The following ITGA8 variants were observed in gnomAD, a reference collection of about 807,000 sequenced individuals.
ITGA8 encodes the protein integrin alpha-8.
In ITGA8, 91 loss-of-function variants were observed where a neutral mutation model predicts 142.3. The ratio of observed to expected loss-of-function variants is 0.64; its 90% confidence interval spans 0.54 to 0.76. The LOEUF is 0.76. Among genes scored for constraint, ITGA8 ranks in the 30% least tolerant of loss-of-function variants. The pLI, the probability that ITGA8 is intolerant of heterozygous loss-of-function variation, is 0.00. For synonymous variants in ITGA8, 505 were observed against 485.2 expected, an observed-to-expected ratio of 1.04 and a Z score of -0.54; for missense variants, 1,406 against 1,327.7, an observed-to-expected ratio of 1.06 and a Z score of -0.92.
chr10:15,642,781 T>A (rs1351522337), intron 13 of ITGA8, among the ~76,000 whole-genome samples: 2 of 152,196 alleles, frequency 1.3e-5, no homozygotes, highest in African/African-American at 4.8e-5. Flanking sequence ...TATGTTGCGG[T>A]ATCCTTTTTG....
chr10:15,609,230 C>A (rs1049349213), intron 15 of ITGA8, among the ~76,000 whole-genome samples: 1 of 152,118 alleles, frequency 6.6e-6, no homozygotes, highest in African/African-American at 2.4e-5. Context: ...ATTCCAAGCC[C>A]TAACAGCTAT....
At chr10:15,535,527 G>A (rs557589668) in intron 27 of ITGA8, among the ~76,000 whole-genome samples, 1 of 152,296 alleles carries the variant, frequency 6.6e-6, no homozygotes, top group East Asian at 1.9e-4. Context: ...CTCAGGGTTT[G>A]TGAATGCACC....
chr10:15,557,594 C>T (rs1188131855), intron 26 of ITGA8, among the ~76,000 whole-genome samples: 1 of 152,090 alleles, frequency 6.6e-6, no homozygotes, highest in Non-Finnish European at 1.5e-5. Context: ...CTCAAGGGAT[C>T]CTCCCACCTT....
rs996881409 is a variant in ITGA8 at position 15,515,522 on chromosome 10, A to T, written c.*1636T>A. 4 of 152,206 alleles carry T rather than the reference A, an allele frequency of 2.6e-5. No individual in the cohort carries two copies. The highest frequency in any genetic ancestry group is 5.9e-5 in the Non-Finnish European group (4 of 68,030). 9.4% of individuals were successfully genotyped at this position (152,206 alleles called of 1,614,324 possible). On this transcript the variant is annotated 3_prime_UTR_variant, in exon 30 of 30. Transcript: ENST00000378076. ...CTTTCAAACAAAGCGTGATTGTTGA[A>T]ATCAGGACACAAAGTTTTCCAACAG... is the stretch of plus-strand genomic sequence containing the variant.
intron 13 of ITGA8, among the ~76,000 whole-genome samples, chr10:15,625,437 C>T (rs1833563804): frequency 6.7e-6 from 1 of 148,902 alleles, no homozygotes; most frequent in Non-Finnish European, 1.5e-5. Context: ...CACTGAATCA[C>T]ATGTGTGCCG....
At chr10:15,715,717 C>T (rs948382292) in intron 2 of ITGA8, among the ~76,000 whole-genome samples, 14 of 152,356 alleles carry the variant, frequency 9.2e-5, no homozygotes, top group Non-Finnish European at 1.5e-4. Context: ...CTGTTTCCAC[C>T]TTTCATCTTT....
Position 15,597,238 on chromosome 10 carries a change from T to C in ITGA8, c.2180A>G (p.Asp727Gly). The change falls in exon 21 of 30, where the codon GAC becomes GGC. Residue 727 changes from aspartate to glycine, a missense_variant. Coordinates refer to ENST00000378076, the MANE Select transcript of ITGA8 (RefSeq NM_003638.3). ...MENVTRMVVC[D>G]LGNPMVSGTN... The stretch of plus-strand genomic sequence containing the variant: ...TCCAGACACCATAGGGTTCCCAAGG[T>C]CACACACCACCATCCTGGTTACATT... 3.1e-6 allele frequency: 5 copies of C among 1,613,986 alleles called. No individual in the cohort carries two copies. Among genetic ancestry groups the C allele is most frequent in the Non-Finnish European group, 4.2e-6 (5 of 1,179,932 alleles).
At chr10:15,714,703 GA>G (rs908495675) in intron 2 of ITGA8, among the ~76,000 whole-genome samples, 43 of 151,938 alleles carry the variant, frequency 2.8e-4, no homozygotes, top group African/African-American at 9.4e-4. Context: ...ATTATTTCAT[GA>G]AAAAAAACCT....
intron 2 of ITGA8, among the ~76,000 whole-genome samples, chr10:15,715,666 C>A (rs989920770): frequency 6.6e-6 from 1 of 152,206 alleles, no homozygotes; most frequent in East Asian, 1.9e-4. Context: ...AAATGGGATG[C>A]CTCTGGCAAC....
At chr10:15,649,714 G>A (rs550993118) in intron 11 of ITGA8, among the ~76,000 whole-genome samples, 1 of 151,754 alleles carries the variant, frequency 6.6e-6, no homozygotes, top group South Asian at 2.1e-4. Context: ...AATATAATAT[G>A]TCGTTAGGAA....
rs183711897 is a variant in ITGA8, at chr10:15,704,531, A to G, written c.343+14235T>C. Reference sequence around the variant, plus strand: ...TTTCTTTCAGCTTTCTTCGTACTTGAATCTTTCATACTTTCTTTCACCTCT... The same window carrying G: ...TTTCTTTCAGCTTTCTTCGTACTTGGATCTTTCATACTTTCTTTCACCTCT... On this transcript the variant is annotated intron_variant, in intron 2 of 29. Coordinates refer to ENST00000378076, the MANE Select transcript of ITGA8 (RefSeq NM_003638.3). 3.4e-4 allele frequency among the ~76,000 whole-genome samples: 52 copies of G among 152,240 alleles called. No homozygotes were observed. In the East Asian group the frequency reaches 9.8e-3, roughly 29 times the overall value.
At chr10:15,694,800 G>C (rs1835021812) in intron 2 of ITGA8, among the ~76,000 whole-genome samples, 1 of 149,476 alleles carries the variant, frequency 6.7e-6, no homozygotes, top group African/African-American at 2.5e-5. Flanking sequence ...TATGTTGTTA[G>C]TAGTGACTTG....
At chr10:15,703,506 G>A (rs1405006109) in intron 2 of ITGA8, among the ~76,000 whole-genome samples, 2 of 152,150 alleles carry the variant, frequency 1.3e-5, no homozygotes, top group Non-Finnish European at 1.5e-5. Context: ...ATAATGCAAG[G>A]GAAATTGGGA....
intron 20 of ITGA8, among the ~76,000 whole-genome samples, chr10:15,598,162 T>C (rs1833039830): frequency 6.6e-6 from 1 of 152,184 alleles, no homozygotes; most frequent in African/African-American, 2.4e-5. Context: ...TAACTTGTTA[T>C]GTGCCATCGA....
intron 5 of ITGA8, among the ~76,000 whole-genome samples, chr10:15,677,942 T>C (rs922214121): frequency 1.3e-5 from 2 of 152,188 alleles, no homozygotes. Context: ...TCAACATGTT[T>C]AGTGCTGTGC....
Position 15,702,506 on chromosome 10 carries a change from G to A in ITGA8, c.344-14468C>T, listed in dbSNP as rs763842729. Among the ~76,000 whole-genome samples the A allele has an allele frequency of 2.1e-3, 313 of 152,246 alleles. 2 individuals are homozygous for A. Among genetic ancestry groups the A allele is most frequent in the African/African-American group, 6.5e-3 (270 of 41,534 alleles). On this transcript the variant is annotated intron_variant, in intron 2 of 29. Coordinates refer to ENST00000378076, the MANE Select transcript of ITGA8 (RefSeq NM_003638.3). Reference sequence around the variant, plus strand: ...GGGTTTCACCATGTTGGTCAGGCTAGTCTCGAACTCCTGACCTCAGGTGAT... The same window carrying A: ...GGGTTTCACCATGTTGGTCAGGCTAATCTCGAACTCCTGACCTCAGGTGAT...
intron 13 of ITGA8, among the ~76,000 whole-genome samples, chr10:15,634,757 A>T (rs1833742006): frequency 6.6e-6 from 1 of 152,204 alleles, no homozygotes; most frequent in African/African-American, 2.4e-5. Context: ...AGATTGAATC[A>T]TGGGACTAGA....
At chr10:15,561,220 T>TATAC (rs1472924559) in intron 25 of ITGA8, among the ~76,000 whole-genome samples, 2 of 102,420 alleles carry the variant, frequency 2.0e-5, no homozygotes, top group African/African-American at 8.7e-5. Flanking sequence ...TATATATATA[T>TATAC]ATATATATAT....
At chr10:15,639,854 G>A (rs1833839116) in intron 13 of ITGA8, among the ~76,000 whole-genome samples, 2 of 152,190 alleles carry the variant, frequency 1.3e-5, no homozygotes, top group South Asian at 4.1e-4. Flanking sequence ...ATGCAACCAA[G>A]GTTGCGAACC....
Sources: allele counts gnomAD v4.1 joint callset (sites outside exome capture counted in the v4.1 genomes callset), GRCh38; gene constraint gnomAD v4.1.1; transcripts MANE v1.5; gene names NCBI Gene and HGNC (gene_info 2026-07-23, HGNC 2026-07-21).